FRMPD4: variants seen among roughly 807,000 people sequenced by gnomAD.
The protein encoded by FRMPD4 is FERM and PDZ domain containing 4.
A neutral mutation model predicts 94.1 loss-of-function variants in FRMPD4; 22 were observed. The observed-to-expected ratio is 0.23, with a 90% CI of 0.17 to 0.33. The LOEUF is 0.33. FRMPD4 is among the 10% of genes least tolerant of loss of function. The pLI is 1.00. For synonymous variants in FRMPD4, 631 were observed against 548.6 expected, an observed-to-expected ratio of 1.15 and a Z score of -2.10; for missense variants, 1,111 against 1,339.9, an observed-to-expected ratio of 0.83 and a Z score of 2.67.
At position 12,332,946 on chromosome X, in the gene FRMPD4, A is replaced by G. The variant is rs191358214; in HGVS notation, c.42-165734A>G. On this transcript the variant is annotated intron_variant, in intron 1 of 16. Coordinates refer to ENST00000675598, the MANE Select transcript of FRMPD4 (RefSeq NM_001368397.1). Reference sequence around the variant, plus strand: ...AGCTCCCTGTTTTATATGGAATGGCAGTAGAGCCAGACGTTTTAAATACCT... The same window carrying G: ...AGCTCCCTGTTTTATATGGAATGGCGGTAGAGCCAGACGTTTTAAATACCT... Among the ~76,000 whole-genome samples the G allele has an allele frequency of 3.5e-3, 392 of 111,995 alleles. 2 individuals carry two copies. The highest frequency in any genetic ancestry group is 0.012 in the African/African-American group (379 of 30,951).
chrX:12,571,658 C>T (rs996107352), intron 2 of FRMPD4, among the ~76,000 whole-genome samples: 10 of 112,814 alleles, frequency 8.9e-5, no homozygotes, highest in African/African-American at 3.2e-4. Context: ...CTTTCTTCCC[C>T]TTCCAGCAAA....
At position 12,143,437 on chromosome X, in the gene FRMPD4, G is replaced by A. The variant is rs147467774; in HGVS notation, c.41+4425G>A. Among the ~76,000 whole-genome samples, 1,066 of 112,799 alleles carry A rather than the reference G, an allele frequency of 9.5e-3. 4 individuals carry two copies. The highest frequency in any genetic ancestry group is 0.014 in the Middle Eastern group (3 of 219). Reference sequence around the variant, plus strand: ...ATTCATTTATGTATTATCTATGGCTGCATTTGCCTGACAACAGCAAAGTTG... The same window carrying A: ...ATTCATTTATGTATTATCTATGGCTACATTTGCCTGACAACAGCAAAGTTG... On this transcript the variant is annotated intron_variant, in intron 1 of 16. Coordinates refer to ENST00000675598, the MANE Select transcript of FRMPD4 (RefSeq NM_001368397.1).
At chrX:12,087,514 T>C (rs1301447039) in intron 3 of FRMPD4, among the ~76,000 whole-genome samples, 2 of 111,857 alleles carry the variant, frequency 1.8e-5, no homozygotes, top group Non-Finnish European at 3.8e-5. Flanking sequence ...CCAAGCTGGG[T>C]TATGTAATAC....
At chrX:12,203,765 A>G (rs1159661111) in intron 1 of FRMPD4, among the ~76,000 whole-genome samples, 3 of 112,011 alleles carry the variant, frequency 2.7e-5, no homozygotes, top group Non-Finnish European at 5.6e-5. Context: ...AATACCTTCA[A>G]ATGCATTTTT....
intron 3 of FRMPD4, among the ~76,000 whole-genome samples, chrX:12,100,728 A>G (rs1356100438): frequency 1.8e-5 from 2 of 110,967 alleles, no homozygotes; most frequent in East Asian, 5.6e-4. Flanking sequence ...CCCTCTTTCC[A>G]CTCTCAAGCT....
chrX:12,109,294 G>A (rs2055332388), intron 3 of FRMPD4, among the ~76,000 whole-genome samples: 1 of 112,038 alleles, frequency 8.9e-6, no homozygotes, highest in African/African-American at 3.2e-5. Context: ...CAACTACATG[G>A]AAACTGAACA....
At chrX:12,440,880 T>TA (rs67466991) in intron 1 of FRMPD4, among the ~76,000 whole-genome samples, 20,230 of 110,710 alleles carry the variant, frequency 0.18, 2,872 homozygotes, top group African/African-American at 0.48. Flanking sequence ...AAGAGATAGA[T>TA]AGTGAAGGGC....
In FRMPD4 at chrX:12,270,387, T is replaced by A. The variant is rs186825558; in HGVS notation, c.41+131375T>A. On this transcript the variant is annotated intron_variant, in intron 1 of 16. Transcript: ENST00000675598. ...TCTGTCCATCTGGTTGATTCATATC[T>A]CTTGAAAACTGAAATCAGTTTGTTA... 5.4e-4 allele frequency among the ~76,000 whole-genome samples: 61 copies of A among 111,991 alleles called. 1 individual carries two copies. In the East Asian group the frequency reaches 0.015, roughly 28 times the overall value.
Position 12,468,313 on chromosome X carries a change from A to C in FRMPD4, c.42-30367A>C, listed in dbSNP as rs779212087. Reference sequence around the variant, plus strand: ...GAAATGGTGTCAAAGAGCTAGAACAAATTATGGTTTTATAAGGGAAGTATT... The same window carrying C: ...GAAATGGTGTCAAAGAGCTAGAACACATTATGGTTTTATAAGGGAAGTATT... On this transcript the variant is annotated intron_variant, in intron 1 of 16. Coordinates refer to ENST00000675598, the MANE Select transcript of FRMPD4 (RefSeq NM_001368397.1). Among the ~76,000 whole-genome samples, 3 of 112,361 alleles carry C rather than the reference A, an allele frequency of 2.7e-5. No individual in the cohort carries two copies. The South Asian group carries it at 1.1e-3, about 42-fold the overall frequency.
rs797005075 is a variant in FRMPD4, at chrX:12,066,828, T to TA, written c.95+188821dup. Among the ~76,000 whole-genome samples the TA allele has an allele frequency of 4.4e-3, 440 of 100,024 alleles. 3 individuals are homozygous for TA. Among genetic ancestry groups the TA allele is most frequent in the African/African-American group, 9.9e-3 (277 of 27,849 alleles). 86.9% of individuals were successfully genotyped at this position (100,024 alleles called of 115,157 possible). On this transcript the variant is annotated intron_variant, in intron 3 of 18. Coordinates refer to the FRMPD4 transcript ENST00000640291. Reference sequence around the variant, plus strand: ...TTCTCTAGTTTATATTCCAAATACCTAAAAAAAAAAACAGAGCAGCAGTCC... The same window carrying TA: ...TTCTCTAGTTTATATTCCAAATACCTAAAAAAAAAAAACAGAGCAGCAGTCC...
At chrX:12,680,535 A>G (rs1958049070) in intron 5 of FRMPD4, among the ~76,000 whole-genome samples, 3 of 112,473 alleles carry the variant, frequency 2.7e-5, no homozygotes, top group Non-Finnish European at 3.8e-5. Context: ...GAGCCTATGT[A>G]GTTGTTATCC....
intron 2 of FRMPD4, among the ~76,000 whole-genome samples, chrX:12,588,406 A>T (rs1354128312): frequency 8.9e-6 from 1 of 112,515 alleles, no homozygotes; most frequent in African/African-American, 3.2e-5. Context: ...ACACCTCATG[A>T]TGCTGTTACT....
intron 2 of FRMPD4, among the ~76,000 whole-genome samples, chrX:12,556,243 A>C (rs2058594085): frequency 1.8e-5 from 2 of 110,856 alleles, no homozygotes; most frequent in African/African-American, 6.6e-5. Flanking sequence ...TAGCATGGCA[A>C]AGGTGGAAAA....
intron 2 of FRMPD4, among the ~76,000 whole-genome samples, chrX:12,516,037 T>C (rs1306722705): frequency 2.7e-5 from 3 of 112,080 alleles, no homozygotes; most frequent in Non-Finnish European, 5.6e-5. Context: ...TTTTTTCTGC[T>C]TTCTATTTGC....
At chrX:12,341,793 A>T (rs2055618648) in intron 1 of FRMPD4, among the ~76,000 whole-genome samples, 1 of 111,922 alleles carries the variant, frequency 8.9e-6, no homozygotes, top group African/African-American at 3.2e-5. Context: ...ACAACCTGTG[A>T]TTCAAGGAAC....
At chrX:12,030,302 C>G (rs534990218) in intron 3 of FRMPD4, among the ~76,000 whole-genome samples, 1 of 112,068 alleles carries the variant, frequency 8.9e-6, no homozygotes, top group Admixed American at 9.4e-5. Context: ...AGCATTAACA[C>G]CCCACAGTAA....
chrX:12,076,327 C>CGTGTGTGTGT (rs34558552), intron 3 of FRMPD4, among the ~76,000 whole-genome samples: 2,876 of 98,085 alleles, frequency 0.029, 149 homozygotes, highest in African/African-American at 0.1. Flanking sequence ...CCTAGCAAAA[C>CGTGTGTGTGT]GTGTGTGTGT....
At chrX:12,051,237 G>T (rs2054816260) in intron 3 of FRMPD4, among the ~76,000 whole-genome samples, 1 of 111,768 alleles carries the variant, frequency 8.9e-6, no homozygotes, top group East Asian at 2.8e-4. Flanking sequence ...TACATACAGA[G>T]AAATATGTTT....
rs776237457 is a variant in FRMPD4 at position 12,290,113 on chromosome X, T to C, written c.41+151101T>C. 1.9e-4 allele frequency among the ~76,000 whole-genome samples: 21 copies of C among 111,661 alleles called. No individual in the cohort carries two copies. In the East Asian group the frequency reaches 4.2e-3, roughly 23 times the overall value. On this transcript the variant is annotated intron_variant, in intron 1 of 16. Coordinates refer to ENST00000675598, the MANE Select transcript of FRMPD4 (RefSeq NM_001368397.1). The stretch of plus-strand genomic sequence containing the variant: ...ACGGAGACATGGAGGTTGACTGTGA[T>C]AGTCAACAAACAGCACTTCCTCCCC...
Sources: allele counts gnomAD v4.1 joint callset (sites outside exome capture counted in the v4.1 genomes callset), GRCh38; gene constraint gnomAD v4.1.1; transcripts MANE v1.5; gene names NCBI Gene and HGNC (gene_info 2026-07-23, HGNC 2026-07-21).